The following PKP4 variants were observed in gnomAD, a reference collection of about 807,000 sequenced individuals.
PKP4 encodes plakophilin-4.
In PKP4, 90 loss-of-function variants were observed where a neutral mutation model predicts 145.1. The ratio of observed to expected loss-of-function variants is 0.62; its 90% CI spans 0.52 to 0.74. The LOEUF is 0.74. Among genes scored for constraint, PKP4 ranks in the 30% least tolerant of loss-of-function variants. The pLI, the probability that PKP4 is intolerant of heterozygous loss-of-function variation, is 0.00. For synonymous variants in PKP4, 563 were observed against 577.2 expected (o/e 0.98, Z 0.35); for missense variants, 1,340 against 1,482.7 (o/e 0.90, Z 1.58).
At chr2:158,638,865 G>C (rs1382280590) in intron 9 of PKP4, among the ~76,000 whole-genome samples, 1 of 152,228 alleles carries the variant, frequency 6.6e-6, no homozygotes, top group African/African-American at 2.4e-5. Context: ...TGTGCAGATA[G>C]TGGGTAATCT....
At chr2:158,611,064 A>C (rs923678828) in intron 4 of PKP4, among the ~76,000 whole-genome samples, 1 of 152,218 alleles carries the variant, frequency 6.6e-6, no homozygotes, top group Admixed American at 6.5e-5. Context: ...AAGTGAGAGA[A>C]ATTTTCTGGT....
chr2:158,521,938 A>G (rs999243828), intron 1 of PKP4, among the ~76,000 whole-genome samples: 1 of 152,168 alleles, frequency 6.6e-6, no homozygotes, highest in African/African-American at 2.4e-5. Flanking sequence ...TCAAATTTAA[A>G]TATTCACGCT....
chr2:158,487,474 G>A (rs1694332697), intron 1 of PKP4, among the ~76,000 whole-genome samples: 2 of 152,132 alleles, frequency 1.3e-5, no homozygotes, highest in Admixed American at 6.5e-5. Context: ...ATTTTCTGAT[G>A]TATAAAGAAA....
intron 4 of PKP4, among the ~76,000 whole-genome samples, chr2:158,604,301 G>A (rs1473155895): frequency 6.6e-6 from 1 of 152,116 alleles, no homozygotes; most frequent in African/African-American, 2.4e-5. Flanking sequence ...TGGTTTGGGA[G>A]GTGATAAGAC....
chr2:158,622,783 A>G (rs1179073139), intron 6 of PKP4, among the ~76,000 whole-genome samples: 1 of 152,210 alleles, frequency 6.6e-6, no homozygotes, highest in African/African-American at 2.4e-5. Context: ...TTATATATTT[A>G]TTCTTTTGCT....
At chr2:158,568,869 A>C (rs1440685338) in intron 2 of PKP4, among the ~76,000 whole-genome samples, 1 of 152,122 alleles carries the variant, frequency 6.6e-6, no homozygotes, top group Admixed American at 6.5e-5. Flanking sequence ...ACTACTCAGG[A>C]GGCTGAGGCA....
intron 1 of PKP4, among the ~76,000 whole-genome samples, chr2:158,523,115 G>A (rs2042566917): frequency 1.3e-5 from 2 of 152,182 alleles, no homozygotes; most frequent in African/African-American, 4.8e-5. Context: ...AGCTACAACT[G>A]GGTGGAGCCC....
At chr2:158,515,835 C>T (rs762773231) in intron 1 of PKP4, among the ~76,000 whole-genome samples, 1 of 152,068 alleles carries the variant, frequency 6.6e-6, no homozygotes. Context: ...TGCTTGAGGC[C>T]AGGAGTTCAA....
At position 158,642,676 on chromosome 2, in the gene PKP4, C is replaced by A; in HGVS notation, c.1886C>A (p.Ala629Glu). Residue 629 changes from alanine (A) to glutamate (E), a missense_variant, in exon 11 of 22, where the codon GCA becomes GAA. Ala to Glu is a moderately radical substitution (Grantham distance 107). Coordinates refer to ENST00000389759, the MANE Select transcript of PKP4 (RefSeq NM_003628.6). ...LLRLLRKSID[A>E]EVRELVTGVL... Reference sequence around the variant, plus strand: ...CGACTGTTGAGAAAATCTATTGATGCAGAAGTAAGGGAGCTTGTTACAGGT... The same window carrying A: ...CGACTGTTGAGAAAATCTATTGATGAAGAAGTAAGGGAGCTTGTTACAGGT... The A allele has an allele frequency of 6.2e-7, 1 of 1,607,240 alleles. No homozygotes were observed. Among genetic ancestry groups the A allele is most frequent in the Admixed American group, 1.7e-5 (1 of 59,640 alleles).
In PKP4 at chr2:158,608,634, G is replaced by A. The variant is rs2050845722; in HGVS notation, c.280+5530G>A. Among the ~76,000 whole-genome samples, 3 of 151,718 alleles carry A rather than the reference G, an allele frequency of 2.0e-5. No homozygotes were observed. The South Asian group carries it at 6.2e-4, about 32-fold the overall frequency. ...ACTTCTAAACACAGCAATCACAACT[G>A]GTATTTACTTTCTAATATTTTAACT... On this transcript the variant is annotated intron_variant, in intron 4 of 21. Transcript: ENST00000389759.
chr2:158,654,986 T>G lies in PKP4; in HGVS notation c.1910-3145T>G, dbSNP rs2055771609. Among the ~76,000 whole-genome samples, 4 of 152,184 alleles carry G rather than the reference T, an allele frequency of 2.6e-5. No homozygotes were observed. In the South Asian group the frequency reaches 8.3e-4, roughly 32 times the overall value. ...CTTGCCTAATGAAATTAAAATTTAA[T>G]TTCAGCATATAAATGTTCATCTTTT... is the stretch of plus-strand genomic sequence containing the variant. On this transcript the variant is annotated intron_variant, in intron 11 of 21. Transcript: ENST00000389759.
At chr2:158,596,661 G>A (rs945299870) in intron 3 of PKP4, among the ~76,000 whole-genome samples, 8 of 151,280 alleles carry the variant, frequency 5.3e-5, no homozygotes, top group Non-Finnish European at 7.4e-5. Context: ...TTGTAATATT[G>A]TAAAAAACTA....
chr2:158,514,107 A>G (rs2041744110), intron 1 of PKP4, among the ~76,000 whole-genome samples: 3 of 152,238 alleles, frequency 2.0e-5, no homozygotes, highest in South Asian at 4.1e-4. Context: ...CATCTGGTGT[A>G]TAAATGTGTT....
intron 1 of PKP4, among the ~76,000 whole-genome samples, chr2:158,492,961 C>A (rs559143186): frequency 6.6e-6 from 1 of 151,926 alleles, no homozygotes; most frequent in Non-Finnish European, 1.5e-5. Flanking sequence ...TATTTATTTT[C>A]TAAACTGTTT....
chr2:158,607,280 G>A (rs761216866), intron 4 of PKP4, among the ~76,000 whole-genome samples: 1 of 152,026 alleles, frequency 6.6e-6, no homozygotes, highest in Non-Finnish European at 1.5e-5. Flanking sequence ...CTTTTCTATT[G>A]GAGACTTAGT....
At chr2:158,570,479 T>C (rs2047327194) in intron 2 of PKP4, among the ~76,000 whole-genome samples, 1 of 152,210 alleles carries the variant, frequency 6.6e-6, no homozygotes, top group Non-Finnish European at 1.5e-5. Flanking sequence ...AATATAAAAC[T>C]CTCAGTATAC....
chr2:158,634,358 C>T (rs547154504), intron 9 of PKP4, 69 bp downstream of exon 9: 110 of 1,224,462 alleles, frequency 9.0e-5, no homozygotes, highest in Non-Finnish European at 1.1e-4. Context: ...TCCATTTTGA[C>T]TTTTTTAAGT....
chr2:158,594,548 G>A (rs1311856088), intron 3 of PKP4, among the ~76,000 whole-genome samples: 1 of 152,168 alleles, frequency 6.6e-6, no homozygotes, highest in Non-Finnish European at 1.5e-5. Flanking sequence ...GAAAAGCCAG[G>A]AAGAATTAAT....
chr2:158,628,637 A>G (rs1247589200), intron 7 of PKP4, among the ~76,000 whole-genome samples: 1 of 152,146 alleles, frequency 6.6e-6, no homozygotes, highest in Non-Finnish European at 1.5e-5. Context: ...TCTGCTGGTT[A>G]TTTTTTATAT....
Sources: gnomAD v4.1 joint callset for allele counts (sites outside exome capture counted in the v4.1 genomes callset) on GRCh38, gnomAD v4.1.1 for gene constraint, MANE v1.5 for transcripts, NCBI Gene and HGNC (gene_info 2026-07-23, HGNC 2026-07-21) for gene names.